Variants in ADAMTS18 observed in about 807,000 individuals in gnomAD.
The protein encoded by ADAMTS18 is A disintegrin and metalloproteinase with thrombospondin motifs 18.
In ADAMTS18, 157 loss-of-function variants were observed where a neutral mutation model predicts 165.9. The ratio of observed to expected loss-of-function variants is 0.95; its 90% confidence interval spans 0.83 to 1.08. The LOEUF (loss-of-function observed/expected upper bound fraction) is 1.08, where lower values mean the gene tolerates loss of function less well. Among genes scored for constraint, ADAMTS18 ranks in the 50% least tolerant of loss-of-function variants. The pLI, the probability that ADAMTS18 is intolerant of heterozygous loss-of-function variation, is 0.00. For missense variants in ADAMTS18, 2,040 were observed against 1,534.0 expected, an observed-to-expected ratio of 1.33 and a Z score of -5.51; for synonymous variants, 782 against 578.2, an observed-to-expected ratio of 1.35 and a Z score of -5.06.
intron 3 of ADAMTS18, among the ~76,000 whole-genome samples, chr16:77,368,333 C>T (rs1036099127): frequency 1.3e-5 from 2 of 152,026 alleles, no homozygotes; most frequent in African/African-American, 2.4e-5. Flanking sequence ...TGCTGCATTG[C>T]ATTTATGACC....
At chr16:77,325,803 T>C in intron 13 of ADAMTS18, 63 bp downstream of exon 13, 1 of 1,509,726 alleles carries the variant, frequency 6.6e-7, no homozygotes, top group Non-Finnish European at 9.1e-7. Context: ...ATTTCTTCTG[T>C]ATTGGTCAAT....
At chr16:77,405,227 G>T (rs1219878926) in intron 3 of ADAMTS18, among the ~76,000 whole-genome samples, 1 of 152,158 alleles carries the variant, frequency 6.6e-6, no homozygotes, top group Non-Finnish European at 1.5e-5. Flanking sequence ...CAGACAGGGA[G>T]CTCATGGTCA....
At chr16:77,293,389 G>T in intron 19 of ADAMTS18, 131 bp from the exon 20 acceptor site, 1 of 786,832 alleles carries the variant, frequency 1.3e-6, no homozygotes, top group Non-Finnish European at 2.1e-6. Flanking sequence ...CTCTTTTTAC[G>T]AGATCTACTT....
chr16:77,342,695 T>TA (rs1329472693), intron 10 of ADAMTS18, among the ~76,000 whole-genome samples: 3 of 152,208 alleles, frequency 2.0e-5, no homozygotes, highest in African/African-American at 7.2e-5. Context: ...GTACACAGAA[T>TA]AATGGCCCCC....
intron 19 of ADAMTS18, 56 bp from the exon 20 acceptor site, chr16:77,293,314 T>TAAA: frequency 5.1e-5 from 58 of 1,144,632 alleles, no homozygotes; most frequent in Non-Finnish European, 5.6e-5. Flanking sequence ...GTAGCCACAT[T>TAAA]AAAAAAAAAA....
At chr16:77,297,552 C>T in intron 17 of ADAMTS18, 137 bp from the exon 18 acceptor site, 1 of 848,486 alleles carries the variant, frequency 1.2e-6, no homozygotes, top group Non-Finnish European at 1.9e-6. Flanking sequence ...GGAACGCTTC[C>T]TTTTGATGAA....
rs777612502 is a variant in ADAMTS18, at chr16:77,341,796, T to C, written c.1618A>G (p.Ile540Val). The change falls in exon 11 of 23, where the codon ATT becomes GTT. Residue 540 changes from isoleucine to valine, a missense_variant. By Grantham distance (29) the Ile-to-Val change is conservative. Coordinates refer to ENST00000282849, the MANE Select transcript of ADAMTS18 (RefSeq NM_199355.4). ...KLCSLGFVKD[I>V]CKSLWCHRVG... ...CGGTGGCACCAAAGTGATTTGCAAA[T>C]ATCCTGAAATAAAAAAAAAGGGGGG... The C allele has an allele frequency of 6.2e-7, 1 of 1,608,772 alleles. No individual in the cohort carries two copies. Among genetic ancestry groups the C allele is most frequent in the South Asian group, 1.1e-5 (1 of 90,426 alleles).
intron 16 of ADAMTS18, among the ~76,000 whole-genome samples, chr16:77,311,705 CT>C (rs5818052): frequency 3.4e-5 from 5 of 146,614 alleles, no homozygotes; most frequent in Non-Finnish European, 3.0e-5. Context: ...CTGGAGTTTT[CT>C]TTTTTTTTTG....
intron 22 of ADAMTS18, among the ~76,000 whole-genome samples, chr16:77,287,279 ACT>A (rs1486494999): frequency 6.6e-6 from 1 of 151,902 alleles, no homozygotes. Context: ...TTTTCTGAAA[ACT>A]CACAGCCAGA....
At chr16:77,418,913 G>A (rs370704074) in intron 3 of ADAMTS18, among the ~76,000 whole-genome samples, 1 of 152,158 alleles carries the variant, frequency 6.6e-6, no homozygotes, top group African/African-American at 2.4e-5. Flanking sequence ...CACTTTGGGA[G>A]GTCCAGGCAG....
At position 77,326,463 on chromosome 16, in the gene ADAMTS18, G is replaced by C. The variant is rs951449606; in HGVS notation, c.1860-425C>G. 3.3e-5 allele frequency among the ~76,000 whole-genome samples: 5 copies of C among 152,252 alleles called. No individual in the cohort carries two copies. The South Asian group carries it at 8.3e-4, about 25-fold the overall frequency. On this transcript the variant is annotated intron_variant, in intron 12 of 22. Coordinates refer to ENST00000282849, the MANE Select transcript of ADAMTS18 (RefSeq NM_199355.4). ...AGTGGCGTGATCTTGGCTCACTGCT[G>C]CCTCCACCTCTCTGGCTCAGGTTAG...
intron 12 of ADAMTS18, among the ~76,000 whole-genome samples, chr16:77,334,484 A>G (rs1198718346): frequency 3.6e-5 from 4 of 112,034 alleles, no homozygotes; most frequent in Admixed American, 3.4e-4. Flanking sequence ...TATAGTATAT[A>G]TTATATAGTA....
At chr16:77,389,587 G>C (rs1490875596) in intron 3 of ADAMTS18, among the ~76,000 whole-genome samples, 2 of 152,170 alleles carry the variant, frequency 1.3e-5, no homozygotes, top group African/African-American at 4.8e-5. Flanking sequence ...TTACCAGGAA[G>C]ACCTCTAGCT....
chr16:77,315,211 G>A (rs183602734), intron 16 of ADAMTS18, among the ~76,000 whole-genome samples: 27 of 151,978 alleles, frequency 1.8e-4, no homozygotes, highest in East Asian at 5.8e-4. Flanking sequence ...TGGAAAATGC[G>A]ATGCTTTTGA....
At chr16:77,351,824 T>A (rs2144709885) in intron 10 of ADAMTS18, among the ~76,000 whole-genome samples, 1 of 152,224 alleles carries the variant, frequency 6.6e-6, no homozygotes, top group Admixed American at 6.5e-5. Context: ...AGCCTCAAAC[T>A]CCTGGGCTCA....
intron 3 of ADAMTS18, among the ~76,000 whole-genome samples, chr16:77,404,022 T>TA (rs2057364249): frequency 1.4e-4 from 14 of 103,204 alleles, no homozygotes; most frequent in Non-Finnish European, 6.0e-5. Flanking sequence ...CCTCCCTCCC[T>TA]CCCTACCGTC....
At chr16:77,369,060 CTAGT>C (rs1290109672) in intron 3 of ADAMTS18, among the ~76,000 whole-genome samples, 2 of 152,182 alleles carry the variant, frequency 1.3e-5, no homozygotes, top group African/African-American at 4.8e-5. Flanking sequence ...AATCTGCAGA[CTAGT>C]AGCTTCAGCC....
intron 3 of ADAMTS18, among the ~76,000 whole-genome samples, chr16:77,401,585 G>C (rs1178788316): frequency 6.6e-6 from 1 of 152,220 alleles, no homozygotes; most frequent in African/African-American, 2.4e-5. Context: ...GACAAGTTCT[G>C]TGTGAAGATG....
chr16:77,332,764 A>C (rs2056211077), intron 12 of ADAMTS18, among the ~76,000 whole-genome samples: 1 of 152,178 alleles, frequency 6.6e-6, no homozygotes, highest in African/African-American at 2.4e-5. Context: ...TGACCAGACC[A>C]AAGAGTGCCC....
Sources: gnomAD v4.1 joint callset for allele counts (sites outside exome capture counted in the v4.1 genomes callset) on GRCh38, gnomAD v4.1.1 for gene constraint, MANE v1.5 for transcripts, NCBI Gene and HGNC (gene_info 2026-07-23, HGNC 2026-07-21) for gene names.